The following FGF14 variants were observed in gnomAD, a reference collection of about 807,000 sequenced individuals.
The protein encoded by FGF14 is fibroblast growth factor homologous factor 4.
Under a neutral mutation model 25.5 loss-of-function variants are expected in FGF14, and 5 were observed. The ratio of observed to expected loss-of-function variants is 0.20; its 90% confidence interval spans 0.10 to 0.41. The LOEUF is 0.41. FGF14 is among the 10% of genes least tolerant of loss of function. FGF14 has a pLI of 1.00. For synonymous variants in FGF14, 138 were observed against 118.3 expected (o/e 1.17, Z -1.08); for missense variants, 222 against 320.1 (o/e 0.69, Z 2.34).
chr13:101,827,085 A>G (rs924146207), intron 3 of FGF14, among the ~76,000 whole-genome samples: 2 of 152,030 alleles, frequency 1.3e-5, no homozygotes, highest in African/African-American at 4.8e-5. Context: ...CAGCTAGAAG[A>G]GAAAGAAATT....
At position 102,310,704 on chromosome 13, in the gene FGF14, GGGGGGT is replaced by G. The variant is rs1431423227; in HGVS notation, c.208+90761_208+90766del. Among the ~76,000 whole-genome samples the G allele has an allele frequency of 2.4e-3, 148 of 60,726 alleles. 20 individuals carry two copies. The highest frequency in any genetic ancestry group is 0.01 in the African/African-American group (134 of 13,174). The allele number at this position is 60,726 out of a possible 152,430, so 39.8% of individuals were successfully genotyped here. A position where few individuals can be genotyped will look rare whatever the true frequency, so the allele number is the denominator to read the frequency against. ...CTCTCTCTGTGTGTGTGTGGGGGGGGGGGGGTGGGGGTTGTTTAACTGCTAGAAAAC... is the reference window on the plus strand; with the variant it reads ...CTCTCTCTGTGTGTGTGTGGGGGGGGGGGGGTTGTTTAACTGCTAGAAAAC... On this transcript the variant is annotated intron_variant, in intron 1 of 4. Transcript: ENST00000376131.
intron 1 of FGF14, among the ~76,000 whole-genome samples, chr13:102,101,472 A>T (rs557315278): frequency 6.6e-6 from 1 of 152,296 alleles, no homozygotes; most frequent in East Asian, 1.9e-4. Context: ...ACAAAAAGAG[A>T]TGTCAGCCAA....
intron 1 of FGF14, among the ~76,000 whole-genome samples, chr13:102,153,640 T>C (rs1487002150): frequency 6.6e-6 from 1 of 152,248 alleles, no homozygotes; most frequent in Admixed American, 6.5e-5. Flanking sequence ...CTATTTATCA[T>C]TTTTAAATGT....
intron 3 of FGF14, among the ~76,000 whole-genome samples, chr13:101,797,551 A>T (rs1172210912): frequency 2.6e-5 from 4 of 152,072 alleles, no homozygotes; most frequent in South Asian, 2.1e-4. Context: ...GAAGGTGATT[A>T]GTCGACAGAG....
chr13:101,970,953 G>C (rs2037554152), intron 1 of FGF14, among the ~76,000 whole-genome samples: 1 of 151,970 alleles, frequency 6.6e-6, no homozygotes. Flanking sequence ...TCAACCATCT[G>C]GCCCTTCTCT....
intron 1 of FGF14, among the ~76,000 whole-genome samples, chr13:101,915,454 C>T (rs2033370442): frequency 6.6e-6 from 1 of 152,120 alleles, no homozygotes; most frequent in South Asian, 2.1e-4. Context: ...CCTACCAACC[C>T]CACTTGGTTA....
intron 1 of FGF14, among the ~76,000 whole-genome samples, chr13:101,951,076 G>A (rs2036140641): frequency 6.6e-6 from 1 of 152,124 alleles, no homozygotes; most frequent in Non-Finnish European, 1.5e-5. Context: ...TAGAGCTACA[G>A]CATGGATTTT....
At chr13:102,135,053 AC>A (rs1566730227) in intron 1 of FGF14, among the ~76,000 whole-genome samples, 1,879 of 150,546 alleles carry the variant, frequency 0.012, 41 homozygotes, top group African/African-American at 0.044. Context: ...ACACACACAC[AC>A]ACACACAAAT....
At chr13:101,844,029 T>C (rs2043324039) in intron 3 of FGF14, among the ~76,000 whole-genome samples, 1 of 152,044 alleles carries the variant, frequency 6.6e-6, no homozygotes, top group Admixed American at 6.6e-5. Context: ...AAAGTGATTA[T>C]TTAAATGAAA....
chr13:101,992,503 T>C (rs61174394), intron 1 of FGF14, among the ~76,000 whole-genome samples: 5,608 of 152,116 alleles, frequency 0.037, 336 homozygotes, highest in African/African-American at 0.13. Context: ...CATTCAGACA[T>C]GACAGATAAT....
chr13:101,850,737 A>G (rs897641895), intron 3 of FGF14, among the ~76,000 whole-genome samples: 2 of 148,756 alleles, frequency 1.3e-5, no homozygotes. Context: ...GAAGATATAT[A>G]GAGTGTGTAT....
chr13:101,872,488 A>C (rs2045154864), intron 2 of FGF14, among the ~76,000 whole-genome samples: 1 of 151,880 alleles, frequency 6.6e-6, no homozygotes, highest in African/African-American at 2.4e-5. Flanking sequence ...ATTTTTAAAG[A>C]ATTTTTCAGT....
At chr13:101,815,031 A>T (rs974386261) in intron 3 of FGF14, among the ~76,000 whole-genome samples, 1 of 152,224 alleles carries the variant, frequency 6.6e-6, no homozygotes, top group Non-Finnish European at 1.5e-5. Context: ...CAAGGTGGGT[A>T]TCTATGCATG....
chr13:102,280,506 A>C (rs1196135755), intron 1 of FGF14, among the ~76,000 whole-genome samples: 1 of 152,188 alleles, frequency 6.6e-6, no homozygotes, highest in Admixed American at 6.5e-5. Context: ...TGGAGGGGGC[A>C]GTGGTCAGCA....
chr13:101,728,926 T>C (rs1396857588), intron 3 of FGF14, among the ~76,000 whole-genome samples: 1 of 152,090 alleles, frequency 6.6e-6, no homozygotes, highest in Non-Finnish European at 1.5e-5. Context: ...GAATGGTGCT[T>C]GCAACACCAT....
At chr13:101,826,130 T>C (rs1329495050) in intron 3 of FGF14, among the ~76,000 whole-genome samples, 2 of 152,138 alleles carry the variant, frequency 1.3e-5, no homozygotes, top group Non-Finnish European at 2.9e-5. Flanking sequence ...ATAGAAATGA[T>C]GCATTTCAAA....
intron 3 of FGF14, among the ~76,000 whole-genome samples, chr13:101,839,836 A>T (rs2043111330): frequency 1.3e-5 from 2 of 152,024 alleles, no homozygotes; most frequent in Admixed American, 6.6e-5. Flanking sequence ...CTATGCTTTG[A>T]AAACCAAATT....
intron 1 of FGF14, among the ~76,000 whole-genome samples, chr13:102,317,102 C>G (rs1321892441): frequency 6.6e-6 from 1 of 152,072 alleles, no homozygotes; most frequent in Non-Finnish European, 1.5e-5. Flanking sequence ...GTCAGTATGC[C>G]TGCCTCTAGC....
chr13:101,946,586 C>T lies in FGF14; in HGVS notation c.209-71290G>A, dbSNP rs576834744. Among the ~76,000 whole-genome samples, 16 of 152,298 alleles carry T rather than the reference C, an allele frequency of 1.1e-4. No individual in the cohort carries two copies. The South Asian group carries it at 3.3e-3, about 32-fold the overall frequency. ...CTGGTCTGTCCATTTCCCTGTTCTGCCATCTGTGGAGTTAGTTTTTCCTCC... is the reference window on the plus strand; with the variant it reads ...CTGGTCTGTCCATTTCCCTGTTCTGTCATCTGTGGAGTTAGTTTTTCCTCC... On this transcript the variant is annotated intron_variant, in intron 1 of 4. Transcript: ENST00000376131.
Sources: allele counts gnomAD v4.1 joint callset (sites outside exome capture counted in the v4.1 genomes callset), GRCh38; gene constraint gnomAD v4.1.1; transcripts MANE v1.5; gene names NCBI Gene and HGNC (gene_info 2026-07-23, HGNC 2026-07-21).